Variants in ADAMTS10 observed in about 807,000 individuals in gnomAD.
ADAMTS10 encodes the protein ADAM metallopeptidase with thrombospondin type 1 motif 10, also known as A disintegrin and metalloproteinase with thrombospondin motifs 10.
In ADAMTS10, 48 loss-of-function variants were observed where a neutral mutation model predicts 135.9. The ratio of observed to expected loss-of-function variants is 0.35; its 90% CI spans 0.28 to 0.45. The LOEUF is 0.45. Among genes scored for constraint, ADAMTS10 ranks in the 20% least tolerant of loss-of-function variants. The probability of loss-of-function intolerance (pLI) is 1.00; values close to 1 mark genes in which losing one functional copy is unlikely to be tolerated. For synonymous variants in ADAMTS10, 621 were observed against 647.5 expected, an observed-to-expected ratio of 0.96 and a Z score of 0.62; for missense variants, 1,131 against 1,565.2, an observed-to-expected ratio of 0.72 and a Z score of 4.68.
intron 25 of ADAMTS10, 41 bp downstream of exon 25, chr19:8,584,854 C>T (rs1555736386): frequency 1.3e-6 from 2 of 1,546,894 alleles, no homozygotes; most frequent in Non-Finnish European, 1.7e-6. Context: ...CTGCCTCTGG[C>T]CAGGACCCTC....
At chr19:8,597,792 C>T (rs1467109155) in intron 6 of ADAMTS10, among the ~76,000 whole-genome samples, 1 of 152,052 alleles carries the variant, frequency 6.6e-6, no homozygotes, top group Non-Finnish European at 1.5e-5. Context: ...AGGCGCACAT[C>T]ACTATGCCCA....
At chr19:8,587,174 T>C (rs1331685281) in intron 18 of ADAMTS10, among the ~76,000 whole-genome samples, 1 of 151,608 alleles carries the variant, frequency 6.6e-6, no homozygotes, top group Non-Finnish European at 1.5e-5. Flanking sequence ...TTTTTTTTTT[T>C]TGGAGACAGG....
chr19:8,605,034 G>T lies in ADAMTS10; in HGVS notation c.413C>A (p.Ala138Asp). ...CACCAGGCCTCCACAGGTGCTGATG[G>T]CCACATGGGAGCTGCTGGCCTGGCC... Reference protein sequence around the residue: ...LQGQASSSHVAISTCGGLHGL... With the variant: ...LQGQASSSHVDISTCGGLHGL... Residue 138 changes from alanine (A) to aspartate (D), a missense_variant, in exon 4 of 26, where the codon GCC becomes GAC. This residue lies in a region of ADAMTS10 where 306 missense variants were observed against 344.4 expected (regional missense o/e 0.89). Transcript: ENST00000597188. The surrounding 1 kb of genome is among the most constrained non-coding windows in gnomAD (Gnocchi z 7.7). 2 of 1,608,974 alleles carry T rather than the reference G, an allele frequency of 1.2e-6. No individual in the cohort carries two copies. The highest frequency in any genetic ancestry group is 1.7e-6 in the Non-Finnish European group (2 of 1,178,216).
chr19:8,592,361 G>A (rs1163871051), intron 13 of ADAMTS10: 1 of 702,930 alleles, frequency 1.4e-6, no homozygotes. Flanking sequence ...TAAGCGTGGA[G>A]ACGAGGTGGG....
chr19:8,595,491 C>T (rs1225270976), intron 12 of ADAMTS10: 4 of 491,700 alleles, frequency 8.1e-6, no homozygotes, highest in East Asian at 4.1e-5. Flanking sequence ...ATGTGCCAGA[C>T]AGAAGCTGGC....
Position 8,585,212 on chromosome 19 carries a change from C to T in ADAMTS10, c.2962G>A (p.Ala988Thr). 7.0e-7 allele frequency: 1 copy of T among 1,426,252 alleles called. No individual in the cohort carries two copies. The highest frequency in any genetic ancestry group is 9.1e-7 in the Non-Finnish European group (1 of 1,093,390). 88.3% of individuals were successfully genotyped at this position (1,426,252 alleles called of 1,614,324 possible). Residue 988 changes from alanine to threonine, a missense_variant, in exon 24 of 26, where the codon GCC becomes ACC. This residue lies in a region of ADAMTS10 where 745 missense variants were observed against 1,056.3 expected (regional missense o/e 0.71). Coordinates refer to ENST00000597188, the MANE Select transcript of ADAMTS10 (RefSeq NM_030957.4). ...CGCATGGTGGCCGGTGGCTTGGCGG[C>T]GGGTGAGCAGTGCGCCGGGGGCAGC... ...ATLPPAHCSP[A>T]AKPPATMRCN...
rs2042331532 is a variant in ADAMTS10 at position 8,580,668 on chromosome 19, T to C, written c.*225A>G. On this transcript the variant is annotated 3_prime_UTR_variant, in exon 26 of 26. Transcript: ENST00000597188. ...ACCCACCCTGGAGGGGGGGTCTCACTATGTGAACTGGAAGGGGCGGATGCT... is the reference window on the plus strand; with the variant it reads ...ACCCACCCTGGAGGGGGGGTCTCACCATGTGAACTGGAAGGGGCGGATGCT... 1.9e-6 allele frequency: 1 copy of C among 538,058 alleles called. No individual in the cohort carries two copies. Among genetic ancestry groups the C allele is most frequent in the Non-Finnish European group, 3.4e-6 (1 of 297,836 alleles). 33.3% of individuals were successfully genotyped at this position (538,058 alleles called of 1,614,324 possible). A position where few individuals can be genotyped will look rare whatever the true frequency, so the allele number is the denominator to read the frequency against.
At chr19:8,594,259 C>T (rs1462628256) in intron 12 of ADAMTS10, among the ~76,000 whole-genome samples, 3 of 152,188 alleles carry the variant, frequency 2.0e-5, no homozygotes, top group Non-Finnish European at 4.4e-5. Flanking sequence ...TCAGTTTACT[C>T]ATCTACAAGA....
chr19:8,605,349 A>G lies in ADAMTS10; in HGVS notation c.98T>C (p.Leu33Pro), dbSNP rs1196752604. Residue 33 changes from leucine (L) to proline (P), a missense_variant, in exon 4 of 26, where the codon CTG becomes CCG. Coordinates refer to ENST00000597188, the MANE Select transcript of ADAMTS10 (RefSeq NM_030957.4). This position sits in a 1 kb window ranked among gnomAD's most constrained non-coding sequence, Gnocchi z 7.7. The stretch of plus-strand genomic sequence containing the variant: ...GATCTCATAGCTCTCCAGACTGGAC[A>G]GGAACTCATCTGTGGGTGAGGGTCA... Reference protein sequence around the residue: ...THAFRSQDEFLSSLESYEIAF... With the variant: ...THAFRSQDEFPSSLESYEIAF... 5 of 1,600,736 alleles carry G rather than the reference A, an allele frequency of 3.1e-6. No homozygotes were observed. Among genetic ancestry groups the G allele is most frequent in the Non-Finnish European group, 3.4e-6 (4 of 1,173,856 alleles).
chr19:8,607,905 G>T (rs1555742841), intron 2 of ADAMTS10, among the ~76,000 whole-genome samples: 1 of 27,842 alleles, frequency 3.6e-5, no homozygotes, highest in Non-Finnish European at 3.9e-4. Context: ...CTGTCTCTCG[G>T]GTTCAAGCGA....
chr19:8,595,716 C>CCCCCG, intron 12 of ADAMTS10, 46 bp downstream of exon 12: 22 of 1,410,074 alleles, frequency 1.6e-5, no homozygotes, highest in Non-Finnish European at 2.1e-5. Context: ...CCAGCCCCAG[C>CCCCCG]GGCCCCCTCC....
At position 8,586,542 on chromosome 19, in the gene ADAMTS10, C is replaced by T. The variant is rs782554469; in HGVS notation, c.2403+16G>A. The T allele has an allele frequency of 3.1e-6, 5 of 1,613,198 alleles. No individual in the cohort carries two copies. In the African/African-American group the frequency reaches 4.0e-5, roughly 13 times the overall value. On this transcript the variant is annotated intron_variant, in intron 20 of 25. Transcript: ENST00000597188. ...TAATTCCAAAGGCTGCACCTTGCCC[C>T]CAGTCTCCCTGTTACCATGACGATG...
intron 18 of ADAMTS10, among the ~76,000 whole-genome samples, chr19:8,587,703 G>C (rs1450359064): frequency 6.6e-6 from 1 of 151,810 alleles, no homozygotes; most frequent in Non-Finnish European, 1.5e-5. Context: ...AGGCTGAGGC[G>C]GGCAGATCAT....
chr19:8,594,156 C>T (rs1261453058), intron 12 of ADAMTS10, among the ~76,000 whole-genome samples: 2 of 152,186 alleles, frequency 1.3e-5, no homozygotes, highest in African/African-American at 4.8e-5. Flanking sequence ...TGCTTTTGTC[C>T]TCCTCTCCAC....
At chr19:8,591,650 C>T (rs940987571) in intron 15 of ADAMTS10, 150 bp downstream of exon 15, 136 of 888,328 alleles carry the variant, frequency 1.5e-4, no homozygotes, top group Non-Finnish European at 2.2e-4. Flanking sequence ...CTATGTTAGC[C>T]AGGATGGTCT....
In ADAMTS10 at chr19:8,603,809, G is replaced by C; in HGVS notation, c.511C>G (p.Pro171Ala). 2.5e-6 allele frequency: 4 copies of C among 1,614,048 alleles called. No individual in the cohort carries two copies. The highest frequency in any genetic ancestry group is 3.4e-6 in the Non-Finnish European group (4 of 1,180,014). ...LHGGPKGSRS[P>A]EESGPHVVYK... ...ACCACATGTGGTCCACTTTCCTCCG[G>C]GCTCCGAGAACCCTTGGGCCCACCG... is the stretch of plus-strand genomic sequence containing the variant. The change falls in exon 5 of 26, where the codon CCG becomes GCG. Residue 171 changes from proline to alanine, a missense_variant. Pro to Ala is a conservative substitution (Grantham distance 27, BLOSUM62 -1). Around this residue, in one of 3 missense-constraint regions of ADAMTS10, gnomAD observed 306 missense variants for 344.4 expected, o/e 0.89. Transcript: ENST00000597188.
rs112478463 is a variant in ADAMTS10 at position 8,603,574 on chromosome 19, G to A, written c.592+154C>T. Among the ~76,000 whole-genome samples the A allele has an allele frequency of 2.4e-3, 369 of 152,136 alleles. 2 individuals are homozygous for A. The highest frequency in any genetic ancestry group is 8.1e-3 in the African/African-American group (337 of 41,490). ...TAGGTGTGAGCCACTGCACCCGGCC[G>A]GAACTCCATAATTATATCACTGTGT... On this transcript the variant is annotated intron_variant, in intron 5 of 25. Transcript: ENST00000597188.
chr19:8,592,223 C>T, intron 13 of ADAMTS10, 120 bp from the exon 14 acceptor site: 1 of 1,445,616 alleles, frequency 6.9e-7, no homozygotes, highest in Non-Finnish European at 9.0e-7. Context: ...TGGGCAGAGG[C>T]GGGGTCTGAA....
In ADAMTS10 at chr19:8,605,586, C is replaced by T. The variant is rs782394813; in HGVS notation, c.88+37G>A. 1.5e-5 allele frequency: 23 copies of T among 1,572,350 alleles called. No individual in the cohort carries two copies. Among genetic ancestry groups the T allele is most frequent in the African/African-American group, 5.4e-5 (4 of 73,428 alleles). On this transcript the variant is annotated intron_variant, in intron 3 of 25. Transcript: ENST00000597188. The surrounding 1 kb of genome is among the most constrained non-coding windows in gnomAD (Gnocchi z 7.7). Reference sequence around the variant, plus strand: ...AGCCCAACTGGTCTCTTACATTTTTCGCTCCCTCCCCACCGCCACCACCAG... The same window carrying T: ...AGCCCAACTGGTCTCTTACATTTTTTGCTCCCTCCCCACCGCCACCACCAG...
Sources: allele counts gnomAD v4.1 joint callset (sites outside exome capture counted in the v4.1 genomes callset), GRCh38; gene constraint gnomAD v4.1.1; regional missense constraint gnomAD v4.1.1; non-coding constraint Gnocchi (gnomAD v3.1); transcripts MANE v1.5; gene names NCBI Gene and HGNC (gene_info 2026-07-23, HGNC 2026-07-21).